Variants in FLVCR1 observed in about 807,000 individuals in gnomAD.
FLVCR1 encodes choline/ethanolamine transporter FLVCR1.
In FLVCR1, 34 loss-of-function variants were observed where a neutral mutation model predicts 53.6. The observed-to-expected ratio is 0.63, with a 90% confidence interval of 0.48 to 0.84. FLVCR1 has a LOEUF of 0.84. Ranked by LOEUF, FLVCR1 falls within the 40% of genes least tolerant of loss-of-function variation. FLVCR1 has a pLI of 0.00. For missense variants in FLVCR1, 677 were observed against 696.7 expected, an observed-to-expected ratio of 0.97 and a Z score of 0.32; for synonymous variants, 300 against 286.3, an observed-to-expected ratio of 1.05 and a Z score of -0.48.
In FLVCR1 at chr1:212,888,599, A is replaced by T. The variant is rs1665116327; in HGVS notation, c.1413+5A>T. 3.8e-6 allele frequency: 6 copies of T among 1,569,180 alleles called. No individual in the cohort carries two copies. In the South Asian group the frequency reaches 6.7e-5, roughly 17 times the overall value. Reference sequence around the variant, plus strand: ...CTTCTTAATGCTTCTGCACAGGTAAACCTCTGATTTCTCTAAACCTGAGAT... The same window carrying T: ...CTTCTTAATGCTTCTGCACAGGTAATCCTCTGATTTCTCTAAACCTGAGAT... On this transcript the variant is annotated splice_donor_5th_base_variant and intron_variant, in intron 7 of 9. Transcript: ENST00000366971.
chr1:212,894,903 C>G, intron 8 of FLVCR1, 83 bp from the exon 9 acceptor site: 1 of 894,620 alleles, frequency 1.1e-6, no homozygotes, highest in Non-Finnish European at 1.9e-6. Flanking sequence ...TTAAATTTGA[C>G]AATACCAAGA....
At chr1:212,868,430 T>G (rs1664503678) in intron 2 of FLVCR1, among the ~76,000 whole-genome samples, 1 of 151,772 alleles carries the variant, frequency 6.6e-6, no homozygotes, top group African/African-American at 2.4e-5. Context: ...TATTTTATTT[T>G]GAGACAGAGT....
At chr1:212,872,533 C>A in intron 2 of FLVCR1, 145 bp from the exon 3 acceptor site, 1 of 587,092 alleles carries the variant, frequency 1.7e-6, no homozygotes, top group Non-Finnish European at 3.0e-6. Context: ...AAAACCCTTA[C>A]CATAAAAGAC....
intron 3 of FLVCR1, among the ~76,000 whole-genome samples, chr1:212,877,046 G>T (rs988585105): frequency 1.3e-5 from 2 of 151,204 alleles, no homozygotes; most frequent in Non-Finnish European, 2.9e-5. Context: ...GCATGAAATG[G>T]TATCTCATTG....
rs1230776000 is a variant in FLVCR1 at position 212,895,640 on chromosome 1, GT to G, written c.*351del. On this transcript the variant is annotated 3_prime_UTR_variant, in exon 10 of 10. Coordinates refer to ENST00000366971, the MANE Select transcript of FLVCR1 (RefSeq NM_014053.4). The stretch of plus-strand genomic sequence containing the variant: ...ATGGAAGCTTAGAATACTTTTTAAA[GT>G]GATAATATGGGGTGTTCAGTCCCCA... 3.0e-6 allele frequency: 1 copy of G among 333,174 alleles called. No homozygotes were observed. Among genetic ancestry groups the G allele is most frequent in the African/African-American group, 2.1e-5 (1 of 46,650 alleles). The allele number at this position is 333,174 out of a possible 1,614,324, so 20.6% of individuals were successfully genotyped here.
In FLVCR1 at chr1:212,858,521, C is replaced by G. The variant is rs374379789; in HGVS notation, c.69C>G (p.Leu23=). The change falls in exon 1 of 10, where the codon CTC becomes CTG. Residue 23 remains leucine (L), a synonymous_variant. Transcript: ENST00000366971. The stretch of plus-strand genomic sequence containing the variant: ...GACACCCGCTCGCGAAAGGATACCT[C>G]CCGTTGCCGAGGGGCGCGCCCGTTG... ...APGHPLAKGY[L]PLPRGAPVGK... is the part of the protein sequence containing the mutation. 2.1e-6 allele frequency: 3 copies of G among 1,459,146 alleles called. No individual in the cohort carries two copies. Among genetic ancestry groups the G allele is most frequent in the African/African-American group, 1.4e-5 (1 of 70,314 alleles). The allele number at this position is 1,459,146 out of a possible 1,614,324, so 90.4% of individuals were successfully genotyped here. A position where few individuals can be genotyped will look rare whatever the true frequency, so the allele number is the denominator to read the frequency against.
intron 5 of FLVCR1, among the ~76,000 whole-genome samples, chr1:212,886,890 A>C (rs1312134131): frequency 1.3e-5 from 2 of 152,214 alleles, no homozygotes; most frequent in Non-Finnish European, 2.9e-5. Flanking sequence ...GAATGATACC[A>C]ACTGGGAGAC....
intron 8 of FLVCR1, among the ~76,000 whole-genome samples, chr1:212,893,029 A>G (rs561030097): frequency 6.6e-6 from 1 of 151,110 alleles, no homozygotes; most frequent in East Asian, 2.0e-4. Context: ...ATCTTATGGT[A>G]AAACCTGAAG....
chr1:212,884,222 C>T (rs1664998761), intron 4 of FLVCR1, among the ~76,000 whole-genome samples: 1 of 152,010 alleles, frequency 6.6e-6, no homozygotes, highest in Non-Finnish European at 1.5e-5. Context: ...ACACTTGAGC[C>T]TGGGAGGTGG....
intron 2 of FLVCR1, among the ~76,000 whole-genome samples, chr1:212,867,373 T>C (rs1664468850): frequency 6.6e-6 from 1 of 152,248 alleles, no homozygotes; most frequent in Non-Finnish European, 1.5e-5. Flanking sequence ...CTACATGCTG[T>C]ATCTCATTTA....
chr1:212,864,675 A>G (rs1424819556), intron 2 of FLVCR1, among the ~76,000 whole-genome samples: 1 of 152,234 alleles, frequency 6.6e-6, no homozygotes, highest in Non-Finnish European at 1.5e-5. Context: ...GAACTAATAA[A>G]GTTGAAATGC....
intron 8 of FLVCR1, among the ~76,000 whole-genome samples, chr1:212,889,883 T>C (rs1665147825): frequency 3.3e-5 from 5 of 152,186 alleles, no homozygotes; most frequent in Admixed American, 3.3e-4. Flanking sequence ...CCTCCTTTCC[T>C]TATTTATATA....
Position 212,883,351 on chromosome 1 carries a change from A to G in FLVCR1, c.1025-20A>G, listed in dbSNP as rs369868359. ...ATTGTAGGTATCATGACTTAATATCATCTTTATTTATTATTGTAGGTATCA... is the reference window on the plus strand; with the variant it reads ...ATTGTAGGTATCATGACTTAATATCGTCTTTATTTATTATTGTAGGTATCA... On this transcript the variant is annotated intron_variant, in intron 3 of 9. Transcript: ENST00000366971. 8.2e-6 allele frequency: 11 copies of G among 1,346,012 alleles called. No homozygotes were observed. In the African/African-American group the frequency reaches 1.4e-4, roughly 18 times the overall value. 83.4% of individuals were successfully genotyped at this position (1,346,012 alleles called of 1,614,324 possible). A position where few individuals can be genotyped will look rare whatever the true frequency, so the allele number is the denominator to read the frequency against.
chr1:212,873,566 C>T (rs1664668154), intron 3 of FLVCR1, among the ~76,000 whole-genome samples: 2 of 152,206 alleles, frequency 1.3e-5, no homozygotes, highest in Non-Finnish European at 2.9e-5. Context: ...TCTCTCTCTC[C>T]ACATCTTTCA....
chr1:212,861,584 C>T (rs1664241307), intron 1 of FLVCR1, among the ~76,000 whole-genome samples: 2 of 152,116 alleles, frequency 1.3e-5, no homozygotes, highest in South Asian at 2.1e-4. Flanking sequence ...GCACTGTTTA[C>T]GTCTCAATCA....
intron 8 of FLVCR1, among the ~76,000 whole-genome samples, chr1:212,892,709 T>G (rs555510214): frequency 6.6e-6 from 1 of 152,276 alleles, no homozygotes; most frequent in South Asian, 2.1e-4. Flanking sequence ...CAAGTCTTAT[T>G]CTTTAAGAAA....
chr1:212,899,254 CTG>C lies in FLVCR1; in HGVS notation c.*3968_*3969del, dbSNP rs1193898506. On this transcript the variant is annotated 3_prime_UTR_variant, in exon 10 of 10. Coordinates refer to ENST00000366971, the MANE Select transcript of FLVCR1 (RefSeq NM_014053.4). ...CTGTATGCAATAGCTAGAAAAATGC[CTG>C]TGTCTTAAGTCATTACTCATGTTCT... The C allele has an allele frequency of 3.9e-5, 6 of 152,156 alleles. No homozygotes were observed. Among genetic ancestry groups the C allele is most frequent in the African/African-American group, 9.7e-5 (4 of 41,438 alleles). 9.4% of individuals were successfully genotyped at this position (152,156 alleles called of 1,614,324 possible).
chr1:212,885,550 CTT>C (rs539282150), intron 5 of FLVCR1, 154 bp downstream of exon 5: 2,313 of 295,510 alleles, frequency 7.8e-3, no homozygotes, highest in Middle Eastern at 0.017. Context: ...ACAAGTGTTT[CTT>C]TTTTTTTTTT....
intron 2 of FLVCR1, among the ~76,000 whole-genome samples, chr1:212,865,033 G>A (rs2792561): frequency 0.82 from 124,152 of 152,102 alleles, 50,789 homozygotes; most frequent in East Asian, 1. Context: ...GCATATTTGT[G>A]ATGTGCAGAC....
Sources: gnomAD v4.1 joint callset for allele counts (sites outside exome capture counted in the v4.1 genomes callset) on GRCh38, gnomAD v4.1.1 for gene constraint, MANE v1.5 for transcripts, NCBI Gene and HGNC (gene_info 2026-07-23, HGNC 2026-07-21) for gene names.